DNM3: variants seen among roughly 807,000 people sequenced by gnomAD.
DNM3 encodes dynamin 3, also known as dynamin-3.
In DNM3, 47 loss-of-function variants were observed where a neutral mutation model predicts 101.6. That is an observed-to-expected ratio of 0.46 (90% CI 0.37 to 0.59). DNM3 has a LOEUF of 0.59. Among genes scored for constraint, DNM3 ranks in the 20% least tolerant of loss-of-function variants. The probability of loss-of-function intolerance (pLI) is 0.00; values close to 1 mark genes in which losing one functional copy is unlikely to be tolerated. For synonymous variants in DNM3, 385 were observed against 387.9 expected, an observed-to-expected ratio of 0.99 and a Z score of 0.09; for missense variants, 849 against 1,085.7, an observed-to-expected ratio of 0.78 and a Z score of 3.06.
At chr1:172,236,014 A>G (rs560622213) in intron 14 of DNM3, among the ~76,000 whole-genome samples, 1 of 152,288 alleles carries the variant, frequency 6.6e-6, no homozygotes, top group African/African-American at 2.4e-5. Context: ...AGTAAAAAAC[A>G]TTGTTAGCTA....
At chr1:171,996,366 T>G (rs939075378) in intron 4 of DNM3, among the ~76,000 whole-genome samples, 3 of 152,192 alleles carry the variant, frequency 2.0e-5, no homozygotes, top group African/African-American at 7.2e-5. Context: ...TTGCTTTAGT[T>G]TCACCAGAAT....
intron 2 of DNM3, among the ~76,000 whole-genome samples, chr1:171,923,775 A>G (rs2040354427): frequency 6.6e-6 from 1 of 152,302 alleles, no homozygotes; most frequent in South Asian, 2.1e-4. Flanking sequence ...TAGTGAAACT[A>G]TCACCCAAAT....
At chr1:172,134,026 CATA>C (rs1327973300) in intron 14 of DNM3, among the ~76,000 whole-genome samples, 1 of 152,070 alleles carries the variant, frequency 6.6e-6, no homozygotes, top group African/African-American at 2.4e-5. Context: ...CTGGATTGTG[CATA>C]ATAAGTGGTA....
intron 2 of DNM3, among the ~76,000 whole-genome samples, chr1:171,974,360 ACTGT>A (rs554562101): frequency 9.6e-4 from 146 of 152,138 alleles, no homozygotes; most frequent in Middle Eastern, 3.4e-3. Context: ...ATTTTTCATG[ACTGT>A]CTATTTTTCC....
Position 171,841,641 on chromosome 1 carries a change from C to T in DNM3, c.-16C>T, listed in dbSNP as rs752089668. The stretch of plus-strand genomic sequence containing the variant: ...AGGCGAGCAGGGACCAGCTGGTCGC[C>T]GGCCCCTCGGGCAAGATGGGGAACC... On this transcript the variant is annotated 5_prime_UTR_variant, in exon 1 of 21. Coordinates refer to ENST00000627582, the MANE Select transcript of DNM3 (RefSeq NM_015569.5). 7 of 1,604,074 alleles carry T rather than the reference C, an allele frequency of 4.4e-6. No homozygotes were observed. The East Asian group carries it at 6.7e-5, about 15-fold the overall frequency.
At chr1:172,279,703 A>G (rs572137082) in intron 15 of DNM3, among the ~76,000 whole-genome samples, 2 of 152,106 alleles carry the variant, frequency 1.3e-5, no homozygotes, top group Admixed American at 6.6e-5. Flanking sequence ...TCTTGCCTTC[A>G]CTTTCCGCAC....
chr1:171,982,094 T>C (rs950970194), intron 2 of DNM3, among the ~76,000 whole-genome samples: 1 of 152,196 alleles, frequency 6.6e-6, no homozygotes, highest in Non-Finnish European at 1.5e-5. Flanking sequence ...CACTGGAAAT[T>C]GTACCTTTCT....
chr1:171,850,903 C>T (rs2032870888), intron 1 of DNM3, among the ~76,000 whole-genome samples: 1 of 151,822 alleles, frequency 6.6e-6, no homozygotes. Flanking sequence ...ATTGTAGGGA[C>T]ATACGAAGAG....
At chr1:171,998,928 C>A (rs2046188039) in intron 4 of DNM3, among the ~76,000 whole-genome samples, 1 of 152,052 alleles carries the variant, frequency 6.6e-6, no homozygotes, top group East Asian at 1.9e-4. Context: ...GAGGCTGGAA[C>A]TCAGCAGAAA....
chr1:172,054,792 C>G (rs926381636), intron 10 of DNM3, among the ~76,000 whole-genome samples: 7 of 152,084 alleles, frequency 4.6e-5, no homozygotes, highest in African/African-American at 1.7e-4. Flanking sequence ...AACCCCATCT[C>G]TACTAAAAAT....
At chr1:171,973,464 A>G (rs910403433) in intron 2 of DNM3, among the ~76,000 whole-genome samples, 2 of 152,044 alleles carry the variant, frequency 1.3e-5, no homozygotes, top group African/African-American at 2.4e-5. Flanking sequence ...TCTTTGATAC[A>G]GTATGAATTT....
At chr1:172,286,692 C>T (rs771228693) in intron 15 of DNM3, among the ~76,000 whole-genome samples, 4 of 152,170 alleles carry the variant, frequency 2.6e-5, no homozygotes, top group Non-Finnish European at 4.4e-5. Flanking sequence ...GGCCTTCTGT[C>T]GCTTCCTCTT....
At chr1:172,181,745 T>A (rs1006656809) in intron 14 of DNM3, among the ~76,000 whole-genome samples, 1 of 151,608 alleles carries the variant, frequency 6.6e-6, no homozygotes, top group Non-Finnish European at 1.5e-5. Context: ...TGTATCCAGA[T>A]GTGCATGTGT....
rs552057184 is a variant in DNM3, at chr1:171,942,771, G to A, written c.235+20950G>A. On this transcript the variant is annotated intron_variant, in intron 2 of 20. Coordinates refer to ENST00000627582, the MANE Select transcript of DNM3 (RefSeq NM_015569.5). ...ACTAAGTCTTCCTGGAGCTGAAAGG[G>A]TGATCCAAGTGGCTATCTTGAGGAA... Among the ~76,000 whole-genome samples the A allele has an allele frequency of 2.0e-5, 3 of 152,282 alleles. No homozygotes were observed. The East Asian group carries it at 5.8e-4, about 29-fold the overall frequency.
chr1:172,100,518 G>A (rs2147873623), intron 13 of DNM3, among the ~76,000 whole-genome samples: 1 of 152,288 alleles, frequency 6.6e-6, no homozygotes, highest in South Asian at 2.1e-4. Context: ...CAACATCCTA[G>A]CCTAAGAGAG....
At chr1:172,093,862 C>A in intron 13 of DNM3, 1 of 708,270 alleles carries the variant, frequency 1.4e-6, no homozygotes. Context: ...GTCCGTAACA[C>A]CCTATCATTG....
chr1:172,242,632 A>G (rs1324799734), intron 14 of DNM3, among the ~76,000 whole-genome samples: 1 of 152,116 alleles, frequency 6.6e-6, no homozygotes, highest in Non-Finnish European at 1.5e-5. Flanking sequence ...TTGGAGAGAC[A>G]TGGTCTCACT....
intron 18 of DNM3, among the ~76,000 whole-genome samples, chr1:172,381,215 G>A (rs566268428): frequency 1.3e-5 from 2 of 152,004 alleles, no homozygotes; most frequent in African/African-American, 4.8e-5. Context: ...GTAAAGTTCT[G>A]ATAGTTGTCT....
chr1:172,238,347 T>A (rs1326060524), intron 14 of DNM3, among the ~76,000 whole-genome samples: 9 of 152,158 alleles, frequency 5.9e-5, no homozygotes, highest in Admixed American at 1.3e-4. Context: ...CCCACTGGGA[T>A]GACTTAAGGG....
Sources: allele counts gnomAD v4.1 joint callset (sites outside exome capture counted in the v4.1 genomes callset), GRCh38; gene constraint gnomAD v4.1.1; transcripts MANE v1.5; gene names NCBI Gene and HGNC (gene_info 2026-07-23, HGNC 2026-07-21).